The following PICALM variants were observed in gnomAD, a reference collection of about 807,000 sequenced individuals.
The protein encoded by PICALM is phosphatidylinositol binding clathrin assembly protein.
A neutral mutation model predicts 80.5 loss-of-function variants in PICALM; 40 were observed. The observed-to-expected ratio is 0.50, with a 90% CI of 0.39 to 0.65. The LOEUF is 0.65. Among genes scored for constraint, PICALM ranks in the 30% least tolerant of loss-of-function variants. The pLI, the probability that PICALM is intolerant of heterozygous loss-of-function variation, is 0.00. For missense variants in PICALM, 676 were observed against 778.9 expected, an observed-to-expected ratio of 0.87 and a Z score of 1.57; for synonymous variants, 288 against 260.3, an observed-to-expected ratio of 1.11 and a Z score of -1.02.
intron 17 of PICALM, chr11:85,978,423 A>G (rs1213780289): frequency 1.2e-5 from 2 of 167,552 alleles, no homozygotes; most frequent in African/African-American, 2.4e-5. Context: ...GATGTCTACC[A>G]CAGAAAAAAA....
chr11:86,045,708 T>C (rs959466084), intron 1 of PICALM, among the ~76,000 whole-genome samples: 2 of 152,154 alleles, frequency 1.3e-5, no homozygotes, highest in African/African-American at 4.8e-5. Context: ...ATTCTATCTA[T>C]GAATGGATAT....
rs71040207 is a variant in PICALM, at chr11:86,045,519, CAAAA to C, written c.131-13912_131-13909del. Among the ~76,000 whole-genome samples the C allele has an allele frequency of 2.4e-3, 115 of 47,798 alleles. 1 individual carries two copies. The highest frequency in any genetic ancestry group is 3.7e-3 in the Admixed American group (12 of 3,248). The allele number at this position is 47,798 out of a possible 152,430, so 31.4% of individuals were successfully genotyped here. On this transcript the variant is annotated intron_variant, in intron 1 of 19. Transcript: ENST00000393346. ...CATAGTGAGACCCTGTCTTGAAATT[CAAAA>C]AAAAAAAAAAAAAAAAAAAAAAGAC...
At chr11:85,982,224 C>G (rs145374931) in intron 14 of PICALM, 1 of 481,862 alleles carries the variant, frequency 2.1e-6, no homozygotes, top group East Asian at 3.7e-5. Context: ...CATCTCTTAT[C>G]TCATGACAAA....
At chr11:86,034,151 G>C (rs1312193742) in intron 1 of PICALM, among the ~76,000 whole-genome samples, 1 of 152,072 alleles carries the variant, frequency 6.6e-6, no homozygotes, top group Non-Finnish European at 1.5e-5. Flanking sequence ...AATTAAGTAA[G>C]AATTCACACT....
rs971056398 is a variant in PICALM at position 86,069,047 on chromosome 11, G to T, written c.-267C>A. On this transcript the variant is annotated 5_prime_UTR_variant, in exon 1 of 20. Coordinates refer to ENST00000393346, the MANE Select transcript of PICALM (RefSeq NM_007166.4). The stretch of plus-strand genomic sequence containing the variant: ...CCCCTTCCCGGGTCAGCTGGAGCCG[G>T]GCAGGGTAAGAGGAACAGGCAGCTG... The T allele has an allele frequency of 2.3e-6, 1 of 443,762 alleles. No individual in the cohort carries two copies. The highest frequency in any genetic ancestry group is 4.1e-6 in the Non-Finnish European group (1 of 245,648). 27.5% of individuals were successfully genotyped at this position (443,762 alleles called of 1,614,324 possible). A position where few individuals can be genotyped will look rare whatever the true frequency, so the allele number is the denominator to read the frequency against.
At chr11:85,996,782 G>A (rs757779915) in intron 12 of PICALM, 44 bp downstream of exon 12, 3 of 1,054,856 alleles carry the variant, frequency 2.8e-6, no homozygotes, top group Non-Finnish European at 3.0e-6. Context: ...GAATGAGGAG[G>A]AGAGATGCAT....
chr11:86,020,065 G>A (rs2095539572), intron 4 of PICALM, among the ~76,000 whole-genome samples: 1 of 152,066 alleles, frequency 6.6e-6, no homozygotes. Context: ...CTGCATATCA[G>A]GTGTTATCAC....
Position 85,981,987 on chromosome 11 carries a change from A to C in PICALM, c.1533T>G (p.Gly511=). The change falls in exon 15 of 20, where the codon GGT becomes GGG. Residue 511 remains glycine (G), a synonymous_variant. Transcript: ENST00000393346. Reference sequence around the variant, plus strand: ...AGGCCACTGTTGGTTTGAGAAGTCCACCTAGTTCATCAAAGCCTTAAAGTT... The same window carrying C: ...AGGCCACTGTTGGTTTGAGAAGTCCCCCTAGTTCATCAAAGCCTTAAAGTT... ...IVDSGGFDEL[G]GLLKPTVASQ... is the part of the protein sequence containing the mutation. 6.2e-7 allele frequency: 1 copy of C among 1,613,488 alleles called. No individual in the cohort carries two copies. The highest frequency in any genetic ancestry group is 8.5e-7 in the Non-Finnish European group (1 of 1,179,380).
intron 1 of PICALM, among the ~76,000 whole-genome samples, chr11:86,040,352 AC>A (rs1184427086): frequency 2.6e-5 from 4 of 152,120 alleles, no homozygotes; most frequent in Admixed American, 2.6e-4. Context: ...CTTTCTAATA[AC>A]TTTTTAAAAT....
At chr11:85,999,045 T>A (rs1376838034) in intron 11 of PICALM, among the ~76,000 whole-genome samples, 3 of 152,260 alleles carry the variant, frequency 2.0e-5, no homozygotes, top group Non-Finnish European at 4.4e-5. Context: ...CATGTAATTA[T>A]CAGGACATCT....
intron 1 of PICALM, among the ~76,000 whole-genome samples, chr11:86,053,414 T>G (rs1040118907): frequency 5.3e-5 from 8 of 152,238 alleles, no homozygotes; most frequent in African/African-American, 1.9e-4. Context: ...TCCACATTGC[T>G]GGGTGGAACT....
Position 85,957,816 on chromosome 11 carries a change from T to C in PICALM, c.*1230A>G, listed in dbSNP as rs1009957149. ...AAACTCATGTACAGAATTGCTTTCC[T>C]ACAATGAACTGTCCTTCTTAAGGCC... On this transcript the variant is annotated 3_prime_UTR_variant, in exon 20 of 20. Transcript: ENST00000393346. 2 of 221,958 alleles carry C rather than the reference T, an allele frequency of 9.0e-6. No homozygotes were observed. The highest frequency in any genetic ancestry group is 1.8e-5 in the Non-Finnish European group (2 of 110,766). The allele number at this position is 221,958 out of a possible 1,614,324, so 13.7% of individuals were successfully genotyped here.
At chr11:86,023,439 T>TA (rs2095599676) in intron 3 of PICALM, 2 of 985,014 alleles carry the variant, frequency 2.0e-6, no homozygotes, top group Admixed American at 6.1e-5. Flanking sequence ...CGTCAGGTGT[T>TA]ACATGCTCAC....
At chr11:86,055,477 T>A (rs1276558176) in intron 1 of PICALM, among the ~76,000 whole-genome samples, 4 of 133,454 alleles carry the variant, frequency 3.0e-5, no homozygotes, top group Non-Finnish European at 6.4e-5. Flanking sequence ...CTGGATCAGA[T>A]TAAGTGGTTT....
chr11:86,065,094 T>C (rs1469075622), intron 1 of PICALM, among the ~76,000 whole-genome samples: 1 of 151,558 alleles, frequency 6.6e-6, no homozygotes, highest in Non-Finnish European at 1.5e-5. Flanking sequence ...AGGGGTGGGG[T>C]TAAGACTAAA....
chr11:86,054,643 A>G (rs1480909302), intron 1 of PICALM, among the ~76,000 whole-genome samples: 1 of 152,188 alleles, frequency 6.6e-6, no homozygotes, highest in Non-Finnish European at 1.5e-5. Context: ...TTCAAAGTTA[A>G]TTACTCTCTC....
At chr11:86,031,411 A>C in intron 2 of PICALM, 58 bp downstream of exon 2, 19 of 1,331,650 alleles carry the variant, frequency 1.4e-5, no homozygotes, top group African/African-American at 2.9e-5. Flanking sequence ...CAGTGAGAGA[A>C]GCTAGCTAAC....
chr11:86,065,455 A>AAT (rs1555161847), intron 1 of PICALM, among the ~76,000 whole-genome samples: 28 of 151,670 alleles, frequency 1.8e-4, no homozygotes, highest in African/African-American at 2.9e-4. Context: ...AAAAAAAAAA[A>AAT]TTTGTTTTTT....
At chr11:86,000,834 G>T in intron 10 of PICALM, 55 bp from the exon 11 acceptor site, 1 of 1,569,078 alleles carries the variant, frequency 6.4e-7, no homozygotes, top group Non-Finnish European at 8.6e-7. Flanking sequence ...TCTTTGTACA[G>T]CCTCTGAAAA....
Sources: allele counts gnomAD v4.1 joint callset (sites outside exome capture counted in the v4.1 genomes callset), GRCh38; gene constraint gnomAD v4.1.1; transcripts MANE v1.5; gene names NCBI Gene and HGNC (gene_info 2026-07-23, HGNC 2026-07-21).